Variants in ROBO1 observed in about 807,000 individuals in gnomAD.
ROBO1 encodes the protein roundabout guidance receptor 1.
In ROBO1, 149 loss-of-function variants were observed where a neutral mutation model predicts 195.9. The ratio of observed to expected loss-of-function variants is 0.76; its 90% CI spans 0.67 to 0.87. The LOEUF is 0.87. Among genes scored for constraint, ROBO1 ranks in the 40% least tolerant of loss-of-function variants. The pLI is 0.00. For missense variants in ROBO1, 1,933 were observed against 2,068.3 expected, an observed-to-expected ratio of 0.93 and a Z score of 1.27; for synonymous variants, 816 against 733.2, an observed-to-expected ratio of 1.11 and a Z score of -1.82.
chr3:79,688,533 G>C (rs946814742), intron 1 of ROBO1, among the ~76,000 whole-genome samples: 8 of 151,864 alleles, frequency 5.3e-5, no homozygotes, highest in African/African-American at 1.9e-4. Flanking sequence ...GTGGATTTTT[G>C]AAGTCCTTCT....
At chr3:78,657,054 G>A (rs1707077336) in intron 18 of ROBO1, 44 bp downstream of exon 18, 1 of 1,527,786 alleles carries the variant, frequency 6.5e-7, no homozygotes, top group Non-Finnish European at 8.8e-7. Flanking sequence ...TGGGACACAT[G>A]GTAGAGTGAG....
chr3:78,751,214 T>A (rs919646693), intron 4 of ROBO1, among the ~76,000 whole-genome samples: 2 of 152,128 alleles, frequency 1.3e-5, no homozygotes, highest in African/African-American at 4.8e-5. Flanking sequence ...AGGGGCTTGA[T>A]AGATGTGTGA....
At chr3:78,792,122 T>C (rs182219228) in intron 4 of ROBO1, among the ~76,000 whole-genome samples, 2 of 152,270 alleles carry the variant, frequency 1.3e-5, no homozygotes, top group East Asian at 1.9e-4. Context: ...TGTAGGATGG[T>C]TTCAACTTCT....
At chr3:79,029,423 T>C (rs1449460568) in intron 3 of ROBO1, among the ~76,000 whole-genome samples, 1 of 152,140 alleles carries the variant, frequency 6.6e-6, no homozygotes, top group South Asian at 2.1e-4. Context: ...TCTTAAATAA[T>C]GGTGAATATT....
At chr3:79,443,980 GAA>G (rs551952906) in intron 2 of ROBO1, among the ~76,000 whole-genome samples, 4 of 126,922 alleles carry the variant, frequency 3.2e-5, no homozygotes, top group African/African-American at 1.1e-4. Context: ...CACATGAAAA[GAA>G]AAAAAAAAAA....
intron 3 of ROBO1, among the ~76,000 whole-genome samples, chr3:78,987,651 C>G (rs145711278): frequency 2.5e-3 from 365 of 148,016 alleles, no homozygotes; most frequent in African/African-American, 8.7e-3. Context: ...TGAATGGGTA[C>G]CAAAAAAATA....
chr3:78,707,313 C>T (rs1223569130), intron 8 of ROBO1, among the ~76,000 whole-genome samples: 1 of 152,142 alleles, frequency 6.6e-6, no homozygotes, highest in Non-Finnish European at 1.5e-5. Context: ...TATTGCATGT[C>T]AGTCTCATAC....
intron 2 of ROBO1, among the ~76,000 whole-genome samples, chr3:79,446,606 A>G (rs887331562): frequency 9.9e-5 from 15 of 152,186 alleles, no homozygotes; most frequent in African/African-American, 1.4e-4. Flanking sequence ...TTTTTAAAGC[A>G]TGTTATACAT....
chr3:79,092,419 A>G (rs1388242216), intron 3 of ROBO1, among the ~76,000 whole-genome samples: 5 of 152,042 alleles, frequency 3.3e-5, no homozygotes, highest in Non-Finnish European at 7.4e-5. Context: ...TGTTGGATAT[A>G]CTGGTCTGTG....
intron 4 of ROBO1, among the ~76,000 whole-genome samples, chr3:78,824,481 A>G (rs1454997339): frequency 2.0e-5 from 3 of 152,174 alleles, no homozygotes; most frequent in Non-Finnish European, 4.4e-5. Context: ...TTTGAACAAA[A>G]TATATTTGTC....
intron 2 of ROBO1, among the ~76,000 whole-genome samples, chr3:79,504,291 T>C (rs1426343818): frequency 6.6e-6 from 1 of 152,104 alleles, no homozygotes; most frequent in Non-Finnish European, 1.5e-5. Flanking sequence ...GTTTAATAAA[T>C]GCCTGTTGAT....
intron 1 of ROBO1, among the ~76,000 whole-genome samples, chr3:79,737,858 T>C (rs999670105): frequency 6.6e-6 from 1 of 152,190 alleles, no homozygotes; most frequent in Non-Finnish European, 1.5e-5. Flanking sequence ...CTTTCTGCAA[T>C]TCTAAGAATC....
intron 4 of ROBO1, among the ~76,000 whole-genome samples, chr3:78,845,229 T>C (rs2033575319): frequency 8.5e-6 from 1 of 118,012 alleles, no homozygotes; most frequent in South Asian, 2.5e-4. Flanking sequence ...TGTAGATCTC[T>C]CATGAATTCA....
intron 3 of ROBO1, among the ~76,000 whole-genome samples, chr3:79,084,859 A>C (rs1447060880): frequency 6.6e-6 from 1 of 152,192 alleles, no homozygotes; most frequent in East Asian, 1.9e-4. Flanking sequence ...AAAGGTGTAA[A>C]AAATCTGAAA....
At chr3:79,102,011 C>T (rs1006939599) in intron 3 of ROBO1, among the ~76,000 whole-genome samples, 1 of 151,744 alleles carries the variant, frequency 6.6e-6, no homozygotes, top group African/African-American at 2.4e-5. Flanking sequence ...GAGCTTTGAC[C>T]TACCTAATTT....
chr3:78,784,320 G>A (rs113479282), intron 4 of ROBO1, among the ~76,000 whole-genome samples: 1 of 151,978 alleles, frequency 6.6e-6, no homozygotes, highest in Non-Finnish European at 1.5e-5. Context: ...ATCATGCCCG[G>A]CATATTCTAA....
chr3:79,451,855 T>C (rs777039705), intron 2 of ROBO1, among the ~76,000 whole-genome samples: 2 of 152,020 alleles, frequency 1.3e-5, no homozygotes, highest in Non-Finnish European at 2.9e-5. Flanking sequence ...AACAATGATA[T>C]TGGCTTACAT....
chr3:79,686,394 T>C (rs1344145916), intron 1 of ROBO1, among the ~76,000 whole-genome samples: 1 of 152,038 alleles, frequency 6.6e-6, no homozygotes. Flanking sequence ...GAGAAGGAAA[T>C]AAAGGGTATT....
chr3:78,631,598 T>C (rs1705192785), intron 24 of ROBO1, among the ~76,000 whole-genome samples: 1 of 152,208 alleles, frequency 6.6e-6, no homozygotes, highest in Non-Finnish European at 1.5e-5. Context: ...TGGATTATCA[T>C]CTCAAACAAA....
Sources: gnomAD v4.1 joint callset for allele counts (sites outside exome capture counted in the v4.1 genomes callset) on GRCh38, gnomAD v4.1.1 for gene constraint, MANE v1.5 for transcripts, NCBI Gene and HGNC (gene_info 2026-07-23, HGNC 2026-07-21) for gene names.